The following PAX1 variants were observed in gnomAD, a reference collection of about 807,000 sequenced individuals.
The protein encoded by PAX1 is paired box 1.
A neutral mutation model predicts 35.6 loss-of-function variants in PAX1; 18 were observed. The ratio of observed to expected loss-of-function variants is 0.50; its 90% CI spans 0.35 to 0.75. The LOEUF (loss-of-function observed/expected upper bound fraction) is 0.75, where lower values mean the gene tolerates loss of function less well. Ranked by LOEUF, PAX1 falls within the 30% of genes least tolerant of loss-of-function variation. The probability of loss-of-function intolerance (pLI) is 0.01; values close to 1 mark genes in which losing one functional copy is unlikely to be tolerated. For synonymous variants in PAX1, 397 were observed against 305.2 expected, an observed-to-expected ratio of 1.30 and a Z score of -3.14; for missense variants, 760 against 661.5, an observed-to-expected ratio of 1.15 and a Z score of -1.63.
Position 21,715,938 on chromosome 20 carries a change from G to T in PAX1, c.*1376G>T, listed in dbSNP as rs1280987809. The T allele has an allele frequency of 6.6e-6, 1 of 152,318 alleles. No individual in the cohort carries two copies. The highest frequency in any genetic ancestry group is 1.5e-5 in the Non-Finnish European group (1 of 68,132). 9.4% of individuals were successfully genotyped at this position (152,318 alleles called of 1,614,324 possible). On this transcript the variant is annotated 3_prime_UTR_variant, in exon 5 of 5. Transcript: ENST00000613128. ...CCCTGGCGAGAGCCTGACATCGCCT[G>T]TTAAAGGTGGCTGCCTCTGAATAAA... is the stretch of plus-strand genomic sequence containing the variant.
At chr20:21,707,784 C>G (rs541712478) in intron 2 of PAX1, among the ~76,000 whole-genome samples, 2 of 152,280 alleles carry the variant, frequency 1.3e-5, no homozygotes, top group South Asian at 4.1e-4. Flanking sequence ...GGGGATGGCA[C>G]ACTCTTAGGT....
chr20:21,706,912 A>T lies in PAX1; in HGVS notation c.761A>T (p.Tyr254Phe). The T allele has an allele frequency of 1.2e-6, 2 of 1,612,920 alleles. No individual in the cohort carries two copies. Among genetic ancestry groups the T allele is most frequent in the Non-Finnish European group, 1.7e-6 (2 of 1,179,782 alleles). The change falls in exon 2 of 5, where the codon TAC becomes TTC. Residue 254 changes from tyrosine to phenylalanine, a missense_variant. Tyr to Phe is a conservative substitution (Grantham distance 22). This residue lies in a region of PAX1 where 490 missense variants were observed against 428.4 expected (regional missense o/e 1.14). Coordinates refer to ENST00000613128, the MANE Select transcript of PAX1 (RefSeq NM_001257096.2). This position sits in a 1 kb window ranked among gnomAD's most constrained non-coding sequence, Gnocchi z 5.3. Reference sequence around the variant, plus strand: ...CTGCCCTACAACCACATCTACCAGTACCCCTACCCCAGTCCCGTGTCGCCC... The same window carrying T: ...CTGCCCTACAACCACATCTACCAGTTCCCCTACCCCAGTCCCGTGTCGCCC... ...PTLPYNHIYQ[Y>F]PYPSPVSPTG...
In PAX1 at chr20:21,706,302, C is replaced by T. The variant is rs17861029; in HGVS notation, c.287-136C>T. On this transcript the variant is annotated intron_variant, in intron 1 of 4. Coordinates refer to ENST00000613128, the MANE Select transcript of PAX1 (RefSeq NM_001257096.2). This position sits in a 1 kb window ranked among gnomAD's most constrained non-coding sequence, Gnocchi z 5.3. ...GACCCAGGCGGTTTGCCCTTGGACT[C>T]CGAGCTGTCTGGGGACCCACAGGTC... 7.8e-5 allele frequency: 96 copies of T among 1,227,354 alleles called. No homozygotes were observed. Among genetic ancestry groups the T allele is most frequent in the Non-Finnish European group, 7.1e-5 (60 of 849,204 alleles). 76.0% of individuals were successfully genotyped at this position (1,227,354 alleles called of 1,614,324 possible). A position where few individuals can be genotyped will look rare whatever the true frequency, so the allele number is the denominator to read the frequency against.
At position 21,706,945 on chromosome 20, in the gene PAX1, C is replaced by T. The variant is rs759159540; in HGVS notation, c.794C>T (p.Ala265Val). The T allele has an allele frequency of 1.7e-5, 27 of 1,612,392 alleles. No homozygotes were observed. Among genetic ancestry groups the T allele is most frequent in the East Asian group, 4.5e-5 (2 of 44,854 alleles). The change falls in exon 2 of 5, where the codon GCC becomes GTC. Residue 265 changes from alanine (A) to valine (V), a missense_variant. Ala to Val is a moderately conservative substitution (Grantham distance 64). Coordinates refer to ENST00000613128, the MANE Select transcript of PAX1 (RefSeq NM_001257096.2). This position sits in a 1 kb window ranked among gnomAD's most constrained non-coding sequence, Gnocchi z 5.3. ...CCCAGTCCCGTGTCGCCCACGGGCG[C>T]CAAGATGGGCAGCCACCCCGGGGTC... ...PYPSPVSPTGAKMGSHPGVPG... is the reference protein window; with the variant it reads ...PYPSPVSPTGVKMGSHPGVPG...
rs372360590 is a variant in PAX1, at chr20:21,714,840, G to A, written c.*278G>A. 1 of 1,545,050 alleles carries A rather than the reference G, an allele frequency of 6.5e-7. No homozygotes were observed. The highest frequency in any genetic ancestry group is 1.4e-5 in the African/African-American group (1 of 73,832). On this transcript the variant is annotated 3_prime_UTR_variant, in exon 5 of 5. Coordinates refer to ENST00000613128, the MANE Select transcript of PAX1 (RefSeq NM_001257096.2). ...CTCCTCACAATCCTTGCTCTGACGT[G>A]GCCTCCTTCGCTCTGCCAGCTTCAA... is the stretch of plus-strand genomic sequence containing the variant.
rs576269253 is a variant in PAX1, at chr20:21,708,948, C to T, written c.1059+248C>T. Among the ~76,000 whole-genome samples, 5 of 152,150 alleles carry T rather than the reference C, an allele frequency of 3.3e-5. No homozygotes were observed. In the South Asian group the frequency reaches 6.2e-4, roughly 19 times the overall value. On this transcript the variant is annotated intron_variant, in intron 3 of 4. Transcript: ENST00000613128. ...TAAAAAAAGCTGGAACTCCAGATGA[C>T]GAATCCACAGTCAAGGGCCTTCTTT...
At position 21,706,295 on chromosome 20, in the gene PAX1, T is replaced by C. The variant is rs1011887253; in HGVS notation, c.287-143T>C. ...CAAGCCAGACCCAGGCGGTTTGCCC[T>C]TGGACTCCGAGCTGTCTGGGGACCC... On this transcript the variant is annotated intron_variant, in intron 1 of 4. Coordinates refer to ENST00000613128, the MANE Select transcript of PAX1 (RefSeq NM_001257096.2). This position sits in a 1 kb window ranked among gnomAD's most constrained non-coding sequence, Gnocchi z 5.3. 14 of 1,163,436 alleles carry C rather than the reference T, an allele frequency of 1.2e-5. No homozygotes were observed. The highest frequency in any genetic ancestry group is 1.9e-4 in the Middle Eastern group (1 of 5,274). 72.1% of individuals were successfully genotyped at this position (1,163,436 alleles called of 1,614,324 possible).
intron 4 of PAX1, among the ~76,000 whole-genome samples, chr20:21,710,515 G>A (rs1266180450): frequency 1.3e-5 from 2 of 152,194 alleles, no homozygotes; most frequent in Non-Finnish European, 2.9e-5. Flanking sequence ...GATTATAAAA[G>A]GATTTTTACT....
Position 21,705,708 on chromosome 20 carries a change from A to G in PAX1, c.-5A>G, listed in dbSNP as rs1401168574. ...CTCCCGGTCAGACGAATTTCTCCCA[A>G]TCGGATGAAGTTCACCCTGGGCCTG... On this transcript the variant is annotated 5_prime_UTR_variant, in exon 1 of 5. Coordinates refer to ENST00000613128, the MANE Select transcript of PAX1 (RefSeq NM_001257096.2). The G allele has an allele frequency of 4.9e-6, 6 of 1,236,778 alleles. No individual in the cohort carries two copies. Among genetic ancestry groups the G allele is most frequent in the South Asian group, 4.1e-5 (1 of 24,330 alleles). 76.6% of individuals were successfully genotyped at this position (1,236,778 alleles called of 1,614,324 possible). A position where few individuals can be genotyped will look rare whatever the true frequency, so the allele number is the denominator to read the frequency against.
rs1365330816 is a variant in PAX1 at position 21,709,235 on chromosome 20, T to G, written c.1073T>G (p.Leu358Arg). 2 of 1,606,410 alleles carry G rather than the reference T, an allele frequency of 1.2e-6. No individual in the cohort carries two copies. The highest frequency in any genetic ancestry group is 1.7e-6 in the Non-Finnish European group (2 of 1,179,436). The change falls in exon 4 of 5, where the codon CTC becomes CGC. Residue 358 changes from leucine to arginine, a missense_variant. Coordinates refer to ENST00000613128, the MANE Select transcript of PAX1 (RefSeq NM_001257096.2). ...CTATCCCCACAGTCGGCCTCCACCC[T>G]CTCTGCCGTGGGCGGCTTTCTCCCC... is the stretch of plus-strand genomic sequence containing the variant. ...DIKYTQSASTLSAVGGFLPAC... is the reference protein window; with the variant it reads ...DIKYTQSASTRSAVGGFLPAC...
chr20:21,712,336 C>G (rs770080616), intron 4 of PAX1, among the ~76,000 whole-genome samples: 9 of 152,072 alleles, frequency 5.9e-5, no homozygotes, highest in Non-Finnish European at 1.2e-4. Context: ...TTTACATTTC[C>G]CATCCCCTGA....
In PAX1 at chr20:21,709,258, C is replaced by T. The variant is rs1248612719; in HGVS notation, c.1096C>T (p.Pro366Ser). Residue 366 changes from proline (P) to serine (S), a missense_variant, in exon 4 of 5, where the codon CCC (proline) becomes TCC (serine). Physicochemically the swap from Pro to Ser is moderately conservative, Grantham distance 74. Transcript: ENST00000613128. ...CCTCTCTGCCGTGGGCGGCTTTCTC[C>T]CCGCCTGCGCCTACCCGGCCTCCAA... The part of the protein sequence containing the change: ...STLSAVGGFL[P>S]ACAYPASNQH... 1 of 1,606,508 alleles carries T rather than the reference C, an allele frequency of 6.2e-7. No individual in the cohort carries two copies. Among genetic ancestry groups the T allele is most frequent in the Admixed American group, 1.7e-5 (1 of 60,018 alleles).
rs761988253 is a variant in PAX1, at chr20:21,708,637, C to G, written c.996C>G (p.Pro332=). 1 of 1,613,612 alleles carries G rather than the reference C, an allele frequency of 6.2e-7. No individual in the cohort carries two copies. Among genetic ancestry groups the G allele is most frequent in the Admixed American group, 1.7e-5 (1 of 60,032 alleles). ...CCGGCGTGAACCGCACGGCCTTCCCCGCCACCCCCGCAGTGAATGGGCTAG... is the reference window on the plus strand; with the variant it reads ...CCGGCGTGAACCGCACGGCCTTCCCGGCCACCCCCGCAGTGAATGGGCTAG... The part of the protein sequence containing the change: ...DWAGVNRTAF[P]ATPAVNGLEK... The change falls in exon 3 of 5, where the codon CCC becomes CCG. Residue 332 remains proline (P), a synonymous_variant. Coordinates refer to ENST00000613128, the MANE Select transcript of PAX1 (RefSeq NM_001257096.2).
chr20:21,713,373 C>CTTT (rs113207408), intron 4 of PAX1, among the ~76,000 whole-genome samples: 9 of 124,246 alleles, frequency 7.2e-5, no homozygotes, highest in East Asian at 2.4e-4. Flanking sequence ...CGTGTGTTTT[C>CTTT]TTTTTTTTTT....
chr20:21,705,847 G>GGGCCGCCGCGGCTC lies in PAX1; in HGVS notation c.136_149dup (p.Arg51AlafsTer57). ...CACAGCGCGTCTCCAGCCCGCGGCTGGGCCGCCGCGGCTCTCGGCTCTCGG... is the reference window on the plus strand; with the variant it reads ...CACAGCGCGTCTCCAGCCCGCGGCTGGGCCGCCGCGGCTCGGCCGCCGCGGCTCTCGGCTCTCGG... On this transcript the variant is annotated frameshift_variant, in exon 1 of 5. Coordinates refer to ENST00000613128, the MANE Select transcript of PAX1 (RefSeq NM_001257096.2). LOFTEE classifies it high-confidence loss of function. 4 of 1,371,914 alleles carry GGGCCGCCGCGGCTC rather than the reference G, an allele frequency of 2.9e-6. No homozygotes were observed. In the South Asian group the frequency reaches 6.6e-5, roughly 23 times the overall value. 85.0% of individuals were successfully genotyped at this position (1,371,914 alleles called of 1,614,324 possible).
intron 4 of PAX1, 110 bp downstream of exon 4, chr20:21,709,554 C>T: frequency 1.2e-6 from 1 of 810,926 alleles, no homozygotes; most frequent in Non-Finnish European, 1.9e-6. Context: ...GAGGTGGGTC[C>T]TGGGCATGAA....
rs1394395758 is a variant in PAX1 at position 21,706,115 on chromosome 20, G to A, written c.286+117G>A. On this transcript the variant is annotated intron_variant, in intron 1 of 4. Coordinates refer to ENST00000613128, the MANE Select transcript of PAX1 (RefSeq NM_001257096.2). This position sits in a 1 kb window ranked among gnomAD's most constrained non-coding sequence, Gnocchi z 5.3. ...CGACCCAGTCCTGGGTCCTGGAGAA[G>A]CTGCATTCTCCTCTGATCCCCAGCC... The A allele has an allele frequency of 1.1e-6, 1 of 896,494 alleles. No homozygotes were observed. Among genetic ancestry groups the A allele is most frequent in the African/African-American group, 1.6e-5 (1 of 60,828 alleles). The allele number at this position is 896,494 out of a possible 1,614,324, so 55.5% of individuals were successfully genotyped here. A position where few individuals can be genotyped will look rare whatever the true frequency, so the allele number is the denominator to read the frequency against.
chr20:21,705,940 C>A lies in PAX1; in HGVS notation c.228C>A (p.Pro76=), dbSNP rs1984971978. 2 of 1,483,986 alleles carry A rather than the reference C, an allele frequency of 1.3e-6. No homozygotes were observed. Among genetic ancestry groups the A allele is most frequent in the East Asian group, 2.7e-5 (1 of 37,276 alleles). The allele number at this position is 1,483,986 out of a possible 1,614,324, so 91.9% of individuals were successfully genotyped here. The change falls in exon 1 of 5, where the codon CCC becomes CCA. Residue 76 remains proline (P), a synonymous_variant. Coordinates refer to ENST00000613128, the MANE Select transcript of PAX1 (RefSeq NM_001257096.2). ...GAQALPDCAG[P]SPGHPGHPGA... ...AAGCTCTCCCGGACTGCGCCGGGCC[C>A]AGCCCCGGCCACCCCGGCCACCCCG...
rs892446921 is a variant in PAX1, at chr20:21,716,917, C to G, written c.*2355C>G. 6.6e-6 allele frequency: 1 copy of G among 152,176 alleles called. No homozygotes were observed. Among genetic ancestry groups the G allele is most frequent in the Non-Finnish European group, 1.5e-5 (1 of 68,048 alleles). 9.4% of individuals were successfully genotyped at this position (152,176 alleles called of 1,614,324 possible). ...TCAGGCCAGGAGGAAGACATCACATCCCTTTCTGAAGGAATGAGAAGAATC... is the reference window on the plus strand; with the variant it reads ...TCAGGCCAGGAGGAAGACATCACATGCCTTTCTGAAGGAATGAGAAGAATC... On this transcript the variant is annotated 3_prime_UTR_variant, in exon 5 of 5. Transcript: ENST00000613128.
Sources: gnomAD v4.1 joint callset for allele counts (sites outside exome capture counted in the v4.1 genomes callset) on GRCh38, gnomAD v4.1.1 for gene constraint, gnomAD v4.1.1 regional missense constraint, Gnocchi (gnomAD v3.1) non-coding constraint, MANE v1.5 for transcripts, NCBI Gene and HGNC (gene_info 2026-07-23, HGNC 2026-07-21) for gene names.